The following SPTBN4 variants were observed in gnomAD, a reference collection of about 807,000 sequenced individuals.
The protein encoded by SPTBN4 is spectrin beta, non-erythrocytic 4.
In SPTBN4, 96 loss-of-function variants were observed where a neutral mutation model predicts 277.8. That is an observed-to-expected ratio of 0.35 (90% CI 0.29 to 0.41). SPTBN4 has a LOEUF of 0.41. Among genes scored for constraint, SPTBN4 ranks in the 10% least tolerant of loss-of-function variants. The pLI is 1.00. For missense variants in SPTBN4, 3,006 were observed against 3,595.7 expected (o/e 0.84, Z 4.19); for synonymous variants, 1,481 against 1,580.3 (o/e 0.94, Z 1.49).
rs1396767816 is a variant in SPTBN4, at chr19:40,566,363, A to C, written c.6336+4A>C. 2 of 1,530,648 alleles carry C rather than the reference A, an allele frequency of 1.3e-6. No individual in the cohort carries two copies. The highest frequency in any genetic ancestry group is 2.5e-5 in the South Asian group (2 of 81,448). The allele number at this position is 1,530,648 out of a possible 1,614,324, so 94.8% of individuals were successfully genotyped here. A position where few individuals can be genotyped will look rare whatever the true frequency, so the allele number is the denominator to read the frequency against. ...CTCTCTGCGGCGCCTGACCACGGTC[A>C]GCTCCCCAGATACTGCCCCATTACC... On this transcript the variant is annotated splice_donor_region_variant and intron_variant, in intron 30 of 35. Transcript: ENST00000598249.
intron 20 of SPTBN4, among the ~76,000 whole-genome samples, chr19:40,543,353 A>G (rs2080822099): frequency 1.3e-5 from 2 of 151,986 alleles, no homozygotes; most frequent in African/African-American, 2.4e-5. Context: ...ATCTGACCCA[A>G]TCTTTATGAC....
chr19:40,567,261 T>G (rs1020934100), intron 30 of SPTBN4: 6 of 280,580 alleles, frequency 2.1e-5, no homozygotes, highest in Non-Finnish European at 3.8e-5. Flanking sequence ...TCTTGCTGCT[T>G]GCACTCCAGC....
chr19:40,524,503 TC>T, intron 17 of SPTBN4: 1 of 444,690 alleles, frequency 2.2e-6, no homozygotes, highest in Non-Finnish European at 4.5e-6. Flanking sequence ...CAACATTCTG[TC>T]CCCCCTCCAA....
intron 6 of SPTBN4, among the ~76,000 whole-genome samples, chr19:40,496,411 A>G (rs772062253): frequency 2.2e-4 from 34 of 152,218 alleles, no homozygotes; most frequent in Non-Finnish European, 4.0e-4. Flanking sequence ...CGGCCTCCCA[A>G]GTAGCTGGGA....
intron 2 of SPTBN4, among the ~76,000 whole-genome samples, chr19:40,484,604 G>A (rs1387192246): frequency 6.6e-6 from 1 of 152,060 alleles, no homozygotes; most frequent in South Asian, 2.1e-4. Flanking sequence ...AAAGAGGAAG[G>A]CCAGGCAGCA....
chr19:40,510,356 G>A (rs1227424220), intron 13 of SPTBN4, among the ~76,000 whole-genome samples: 1 of 151,974 alleles, frequency 6.6e-6, no homozygotes, highest in Non-Finnish European at 1.5e-5. Flanking sequence ...CCAGGCTGGA[G>A]TACGGTGGCA....
intron 2 of SPTBN4, among the ~76,000 whole-genome samples, chr19:40,481,114 C>T (rs2080005787): frequency 6.6e-6 from 1 of 152,106 alleles, no homozygotes; most frequent in Non-Finnish European, 1.5e-5. Context: ...GTTTCTAGTA[C>T]ACATATTTGG....
Position 40,568,010 on chromosome 19 carries a change from G to A in SPTBN4, c.6684G>A (p.Arg2228=). Reference sequence around the variant, plus strand: ...CCCCCGCGGCGGCGGAGCAGGTGCGGCCACGACCGGAGCGCCAGGAGTCAG... The same window carrying A: ...CCCCCGCGGCGGCGGAGCAGGTGCGACCACGACCGGAGCGCCAGGAGTCAG... ...PATPAAAEQV[R]PRPERQESAD... Residue 2228 remains arginine, a synonymous_variant, in exon 31 of 36, where the codon CGG becomes CGA. Transcript: ENST00000598249. 6.5e-7 allele frequency: 1 copy of A among 1,534,690 alleles called. No homozygotes were observed. The highest frequency in any genetic ancestry group is 1.4e-5 in the African/African-American group (1 of 71,154).
At chr19:40,527,983 G>T (rs150353534) in intron 17 of SPTBN4, among the ~76,000 whole-genome samples, 1 of 151,594 alleles carries the variant, frequency 6.6e-6, no homozygotes, top group African/African-American at 2.4e-5. Flanking sequence ...TTGAACCTGG[G>T]GGGTGGAGGT....
At chr19:40,538,819 GC>G (rs1337613776) in intron 20 of SPTBN4, among the ~76,000 whole-genome samples, 3 of 152,110 alleles carry the variant, frequency 2.0e-5, no homozygotes, top group African/African-American at 7.2e-5. Context: ...CAAACTCCTG[GC>G]CTCAAGTGAT....
In SPTBN4 at chr19:40,513,419, T is replaced by C; in HGVS notation, c.2630T>C (p.Leu877Pro). The stretch of plus-strand genomic sequence containing the variant: ...GTGGCGGCGCTGAGGCGCCAGTGGC[T>C]GCGGGACGCGCTCGCTGTCTACCGC... The part of the protein sequence containing the change: ...TEVAALRRQW[L>P]RDALAVYRMF... The change falls in exon 14 of 36, where the codon CTG becomes CCG. Residue 877 changes from leucine to proline, a missense_variant. Physicochemically the swap from Leu to Pro is moderately conservative, Grantham distance 98. Coordinates refer to ENST00000598249, the MANE Select transcript of SPTBN4 (RefSeq NM_020971.3). The C allele has an allele frequency of 6.2e-7, 1 of 1,604,332 alleles. No homozygotes were observed. Among genetic ancestry groups the C allele is most frequent in the Admixed American group, 1.7e-5 (1 of 59,208 alleles).
At position 40,503,977 on chromosome 19, in the gene SPTBN4, C is replaced by T. The variant is rs761610779; in HGVS notation, c.1510C>T (p.Arg504Trp). ...ALAAEGYYDI[R>W]RVAAQRDSVL... ...GGCAGCCGAAGGCTACTACGATATC[C>T]GGCGGGTGGCAGCCCAGCGTGACAG... The change falls in exon 12 of 36, where the codon CGG (arginine) becomes TGG (tryptophan). Residue 504 changes from arginine (R) to tryptophan (W), a missense_variant. Physicochemically the swap from Arg to Trp is moderately radical, Grantham distance 101 (BLOSUM62 -3). Coordinates refer to ENST00000598249, the MANE Select transcript of SPTBN4 (RefSeq NM_020971.3). The T allele has an allele frequency of 1.7e-5, 27 of 1,613,804 alleles. No homozygotes were observed. Among genetic ancestry groups the T allele is most frequent in the African/African-American group, 8.0e-5 (6 of 74,904 alleles).
intron 13 of SPTBN4, among the ~76,000 whole-genome samples, chr19:40,507,366 C>T (rs1487364393): frequency 2.0e-5 from 3 of 151,786 alleles, no homozygotes. Flanking sequence ...TGGGTTTTAC[C>T]TCAGGCATGG....
chr19:40,572,666 AG>A (rs1440803093), intron 35 of SPTBN4: 1 of 456,658 alleles, frequency 2.2e-6, no homozygotes, highest in Non-Finnish European at 4.0e-6. Context: ...CGCTTTAAAA[AG>A]GGGTGATTTG....
chr19:40,531,470 T>C (rs1266569321), intron 18 of SPTBN4, among the ~76,000 whole-genome samples: 1 of 53,896 alleles, frequency 1.9e-5, no homozygotes, highest in Non-Finnish European at 4.0e-5. Context: ...GTTTGTTTTT[T>C]TTTTTTTTTT....
chr19:40,487,674 G>A, intron 2 of SPTBN4, 23 bp from the exon 3 acceptor site: 6 of 1,597,696 alleles, frequency 3.8e-6, no homozygotes, highest in Non-Finnish European at 5.1e-6. Flanking sequence ...GCGCCTGGGG[G>A]CTCATCAGGG....
rs190732273 is a variant in SPTBN4, at chr19:40,472,557, T to G, written c.-15-50T>G. 8.0e-6 allele frequency: 12 copies of G among 1,502,590 alleles called. No individual in the cohort carries two copies. The African/African-American group carries it at 1.2e-4, about 16-fold the overall frequency. 93.1% of individuals were successfully genotyped at this position (1,502,590 alleles called of 1,614,324 possible). A position where few individuals can be genotyped will look rare whatever the true frequency, so the allele number is the denominator to read the frequency against. ...GGACAGGACTCAAAGCCAGTCACTG[T>G]TAGAAATGAGACTTGATCCTAGACC... On this transcript the variant is annotated intron_variant, in intron 1 of 35. Transcript: ENST00000598249.
chr19:40,520,198 CG>C (rs780449466), intron 16 of SPTBN4, 47 bp downstream of exon 16: 62 of 1,097,490 alleles, frequency 5.6e-5, no homozygotes, highest in South Asian at 4.9e-4. Flanking sequence ...TCCGAGGCCG[CG>C]GGGGGATTGC....
At chr19:40,513,684 G>C (rs2080421948) in intron 14 of SPTBN4, 130 bp downstream of exon 14, 1 of 1,010,122 alleles carries the variant, frequency 9.9e-7, no homozygotes, top group Non-Finnish European at 1.4e-6. Context: ...CCCATAGCCA[G>C]CTTTGTGACA....
Sources: gnomAD v4.1 joint callset for allele counts (sites outside exome capture counted in the v4.1 genomes callset) on GRCh38, gnomAD v4.1.1 for gene constraint, MANE v1.5 for transcripts, NCBI Gene and HGNC (gene_info 2026-07-23, HGNC 2026-07-21) for gene names.